The following CAST variants were observed in gnomAD, a reference collection of about 807,000 sequenced individuals.
CAST encodes calpastatin.
CAST carries 76 observed loss-of-function variants against 119.6 expected under a neutral mutation model. The ratio of observed to expected loss-of-function variants is 0.64; its 90% confidence interval spans 0.53 to 0.77. The LOEUF is 0.77. Among genes scored for constraint, CAST ranks in the 30% least tolerant of loss-of-function variants. CAST has a pLI of 0.00. For synonymous variants in CAST, 319 were observed against 331.6 expected (o/e 0.96, Z 0.41); for missense variants, 953 against 946.5 (o/e 1.01, Z -0.09).
chr5:96,359,861 T>C, the CAST span, among the ~76,000 whole-genome samples: 1 of 152,198 alleles, frequency 6.6e-6, no homozygotes, highest in Admixed American at 6.5e-5. Context: ...CTGTATTTTC[T>C]GAGTTTGACT....
the CAST span, among the ~76,000 whole-genome samples, chr5:96,188,794 C>G: frequency 2.0e-5 from 3 of 152,016 alleles, no homozygotes; most frequent in Non-Finnish European, 2.9e-5. Flanking sequence ...GAAGAAGGTG[C>G]TAGATTATAC....
chr5:96,121,198 C>A, the CAST span, among the ~76,000 whole-genome samples: 1 of 152,266 alleles, frequency 6.6e-6, no homozygotes, highest in South Asian at 2.1e-4. Flanking sequence ...TTAGCCCCAG[C>A]ATATAAAATA....
chr5:96,048,023 G>C, the CAST span, among the ~76,000 whole-genome samples: 1 of 152,182 alleles, frequency 6.6e-6, no homozygotes, highest in South Asian at 2.1e-4. Context: ...GGAATTCTCA[G>C]TTAGAGAAAG....
the CAST span, among the ~76,000 whole-genome samples, chr5:96,431,138 T>G: frequency 1.3e-5 from 2 of 152,214 alleles, no homozygotes; most frequent in Non-Finnish European, 2.9e-5. Flanking sequence ...ATTTGTATGA[T>G]GTCCACAGTA....
At chr5:96,314,068 C>G in the CAST span, among the ~76,000 whole-genome samples, 40,695 of 152,114 alleles carry the variant, frequency 0.27, 5,731 homozygotes, top group Middle Eastern at 0.31. Context: ...AACCTGCTTT[C>G]TAGCTTGTTT....
At chr5:96,586,915 G>A (rs1302170357) in intron 1 of CAST, among the ~76,000 whole-genome samples, 3 of 152,132 alleles carry the variant, frequency 2.0e-5, no homozygotes, top group Non-Finnish European at 4.4e-5. Context: ...ACCCCATGGA[G>A]CATTTTTATC....
Position 96,712,901 on chromosome 5 carries a change from G to A in CAST, c.211-9738G>A, listed in dbSNP as rs78971950. Among the ~76,000 whole-genome samples the A allele has an allele frequency of 8.7e-3, 1,330 of 152,218 alleles. 10 individuals are homozygous for A. Among genetic ancestry groups the A allele is most frequent in the Non-Finnish European group, 0.014 (923 of 68,014 alleles). On this transcript the variant is annotated intron_variant, in intron 3 of 31. Transcript: ENST00000675179. ...GCCAGGCCCATCTCTCAGTCCTCAT[G>A]TTTGGCTCTGTCTTAAGATATCCTC...
At chr5:96,229,257 G>A in the CAST span, among the ~76,000 whole-genome samples, 470 of 150,390 alleles carry the variant, frequency 3.1e-3, 6 homozygotes, top group African/African-American at 0.011. Context: ...TTATGTGAAG[G>A]ATACTAGATA....
At chr5:96,068,718 T>C in the CAST span, among the ~76,000 whole-genome samples, 1 of 151,592 alleles carries the variant, frequency 6.6e-6, no homozygotes, top group Non-Finnish European at 1.5e-5. Flanking sequence ...TTTACATATT[T>C]ATATACATAT....
the CAST span, among the ~76,000 whole-genome samples, chr5:96,414,745 C>T: frequency 6.6e-5 from 10 of 152,232 alleles, no homozygotes; most frequent in South Asian, 4.1e-4. Context: ...ATAGCTGTTT[C>T]GTTCATTATG....
At chr5:96,233,136 C>A in the CAST span, among the ~76,000 whole-genome samples, 182 of 152,002 alleles carry the variant, frequency 1.2e-3, no homozygotes, top group African/African-American at 4.3e-3. Flanking sequence ...ATTCAAAAAC[C>A]AAAATATTCA....
chr5:96,171,435 G>A, the CAST span, among the ~76,000 whole-genome samples: 3 of 152,210 alleles, frequency 2.0e-5, no homozygotes, highest in East Asian at 1.9e-4. Context: ...GAGACATGGA[G>A]AGAAGGGGTG....
At chr5:96,097,329 C>CTTT in the CAST span, among the ~76,000 whole-genome samples, 2 of 137,344 alleles carry the variant, frequency 1.5e-5, no homozygotes, top group African/African-American at 5.4e-5. Context: ...AGCTCAAAGT[C>CTTT]TTTTTTTTTT....
At chr5:96,643,848 G>A (rs1747983083) in intron 1 of CAST, among the ~76,000 whole-genome samples, 1 of 152,114 alleles carries the variant, frequency 6.6e-6, no homozygotes. Flanking sequence ...ACTCCAGCCT[G>A]GCAACTGAGC....
chr5:95,963,866 TC>T, the CAST span, among the ~76,000 whole-genome samples: 1 of 151,850 alleles, frequency 6.6e-6, no homozygotes, highest in Non-Finnish European at 1.5e-5. Context: ...TGTGGGTAAA[TC>T]CCCACCCACA....
the CAST span, among the ~76,000 whole-genome samples, chr5:95,996,124 C>T: frequency 6.6e-6 from 1 of 152,126 alleles, no homozygotes; most frequent in African/African-American, 2.4e-5. Context: ...TATGTGGCCT[C>T]AGTGAAACCA....
chr5:96,124,558 AT>A, the CAST span, among the ~76,000 whole-genome samples: 3 of 151,948 alleles, frequency 2.0e-5, no homozygotes, highest in Admixed American at 1.3e-4. Context: ...ATAACTTCCA[AT>A]TTTTTTCATC....
chr5:96,157,083 T>C, the CAST span, among the ~76,000 whole-genome samples: 1 of 152,240 alleles, frequency 6.6e-6, no homozygotes, highest in East Asian at 1.9e-4. Flanking sequence ...ATTTACACTG[T>C]CTTAGGTTTA....
intron 1 of CAST, among the ~76,000 whole-genome samples, chr5:96,535,270 A>T (rs1306174481): frequency 1.3e-5 from 2 of 152,232 alleles, no homozygotes; most frequent in Non-Finnish European, 2.9e-5. Context: ...TTTGCTAAAT[A>T]TTGTAAGGAA....
Sources: allele counts gnomAD v4.1 joint callset (sites outside exome capture counted in the v4.1 genomes callset), GRCh38; gene constraint gnomAD v4.1.1; transcripts MANE v1.5; gene names NCBI Gene and HGNC (gene_info 2026-07-23, HGNC 2026-07-21).